Variants in DAB2 observed in about 807,000 individuals in gnomAD.
DAB2 encodes the protein disabled homolog 2.
DAB2 carries 28 observed loss-of-function variants against 71.6 expected under a neutral mutation model. That is an observed-to-expected ratio of 0.39 (90% CI 0.29 to 0.54). The LOEUF is 0.54. DAB2 is among the 20% of genes least tolerant of loss of function. The probability of loss-of-function intolerance (pLI) is 0.68; values close to 1 mark genes in which losing one functional copy is unlikely to be tolerated. For synonymous variants in DAB2, 345 were observed against 339.7 expected, an observed-to-expected ratio of 1.02 and a Z score of -0.17; for missense variants, 867 against 928.8, an observed-to-expected ratio of 0.93 and a Z score of 0.86.
chr5:39,392,320 C>T (rs753147705), intron 4 of DAB2, 45 bp downstream of exon 4: 9 of 1,454,182 alleles, frequency 6.2e-6, no homozygotes, highest in Admixed American at 1.7e-5. Flanking sequence ...AATTGTTGGT[C>T]AGACTCAGGT....
chr5:39,390,719 G>A (rs964218063), intron 4 of DAB2, 144 bp from the exon 5 acceptor site: 93 of 574,054 alleles, frequency 1.6e-4, no homozygotes, highest in Non-Finnish European at 2.3e-4. Flanking sequence ...TCTGGTTGAA[G>A]GCTAGAGCAT....
chr5:39,419,150 G>C (rs1755916077), intron 1 of DAB2, among the ~76,000 whole-genome samples: 3 of 152,198 alleles, frequency 2.0e-5, no homozygotes, highest in Admixed American at 2.0e-4. Flanking sequence ...AGGTAAGTGA[G>C]ACAACTAAGG....
intron 9 of DAB2, among the ~76,000 whole-genome samples, 166 bp from the exon 10 acceptor site, chr5:39,383,437 C>A (rs1405042900): frequency 6.6e-6 from 1 of 152,132 alleles, no homozygotes; most frequent in Non-Finnish European, 1.5e-5. Context: ...GTCCATTACT[C>A]CCTAGCTATA....
chr5:39,378,334 G>A (rs1754880289), intron 11 of DAB2, among the ~76,000 whole-genome samples: 1 of 152,178 alleles, frequency 6.6e-6, no homozygotes, highest in Non-Finnish European at 1.5e-5. Flanking sequence ...CGCTAAGAAG[G>A]AAACCTAAAT....
At chr5:39,382,088 T>A (rs949931302) in intron 10 of DAB2, among the ~76,000 whole-genome samples, 2 of 152,248 alleles carry the variant, frequency 1.3e-5, no homozygotes, top group African/African-American at 4.8e-5. Context: ...AACTGCATTT[T>A]AAATTGCTCT....
chr5:39,382,560 C>T, intron 10 of DAB2, 58 bp downstream of exon 10: 1 of 1,510,888 alleles, frequency 6.6e-7, no homozygotes, highest in African/African-American at 1.4e-5. Flanking sequence ...TTGCATCACA[C>T]CACCCTTTGG....
At chr5:39,391,751 T>C (rs986715663) in intron 4 of DAB2, among the ~76,000 whole-genome samples, 5 of 151,972 alleles carry the variant, frequency 3.3e-5, no homozygotes, top group Non-Finnish European at 7.4e-5. Context: ...GCAAAATAAG[T>C]AAGACTGTTC....
At chr5:39,416,731 T>A (rs1755854035) in intron 1 of DAB2, among the ~76,000 whole-genome samples, 1 of 152,154 alleles carries the variant, frequency 6.6e-6, no homozygotes, top group South Asian at 2.1e-4. Flanking sequence ...ACATTTGCCA[T>A]GACCTATCAT....
intron 1 of DAB2, among the ~76,000 whole-genome samples, chr5:39,409,797 A>T (rs1426344362): frequency 1.3e-5 from 2 of 152,160 alleles, no homozygotes; most frequent in African/African-American, 2.4e-5. Flanking sequence ...TCCAGAGAAG[A>T]CCTCAGGAAT....
intron 9 of DAB2, among the ~76,000 whole-genome samples, chr5:39,386,301 G>A (rs1465752556): frequency 6.6e-6 from 1 of 152,152 alleles, no homozygotes; most frequent in African/African-American, 2.4e-5. Context: ...AATTTGAGGG[G>A]AGTGACAACC....
intron 10 of DAB2, among the ~76,000 whole-genome samples, chr5:39,381,903 C>T (rs988106635): frequency 2.6e-5 from 4 of 152,152 alleles, no homozygotes; most frequent in African/African-American, 4.8e-5. Context: ...CTGGTCTCAT[C>T]GCTAAATGCT....
chr5:39,376,205 T>G, intron 12 of DAB2, 99 bp from the exon 13 acceptor site: 1 of 877,084 alleles, frequency 1.1e-6, no homozygotes, highest in Non-Finnish European at 1.8e-6. Context: ...TCTATACTTT[T>G]GAAATTTACA....
At chr5:39,380,441 C>T (rs1754952481) in intron 11 of DAB2, among the ~76,000 whole-genome samples, 1 of 152,116 alleles carries the variant, frequency 6.6e-6, no homozygotes, top group South Asian at 2.1e-4. Flanking sequence ...AGCCAGGATC[C>T]CTGGTCAGAT....
chr5:39,385,418 G>C (rs1236788195), intron 9 of DAB2: 1 of 152,130 alleles, frequency 6.6e-6, no homozygotes, highest in Non-Finnish European at 1.5e-5. Context: ...TTAGACTTCT[G>C]AATAGTCACC....
rs376649317 is a variant in DAB2 at position 39,394,362 on chromosome 5, T to C, written c.-42A>G. 13 of 1,452,994 alleles carry C rather than the reference T, an allele frequency of 8.9e-6. No individual in the cohort carries two copies. In the African/African-American group the frequency reaches 1.7e-4, roughly 19 times the overall value. The allele number at this position is 1,452,994 out of a possible 1,614,324, so 90.0% of individuals were successfully genotyped here. On this transcript the variant is annotated 5_prime_UTR_variant, in exon 2 of 15. Transcript: ENST00000320816. The stretch of plus-strand genomic sequence containing the variant: ...GCAAACCTCAGTACCAGTGGACACT[T>C]GGTGACACCAGGCGATCCCGATGGA...
chr5:39,390,040 C>T (rs911415649), intron 5 of DAB2, 108 bp from the exon 6 acceptor site: 44 of 768,766 alleles, frequency 5.7e-5, no homozygotes, highest in South Asian at 1.2e-4. Context: ...AATCTTAAAA[C>T]GCCTTACTAC....
intron 1 of DAB2, chr5:39,408,963 A>T (rs1755663969): frequency 6.6e-6 from 1 of 152,040 alleles, no homozygotes; most frequent in East Asian, 1.9e-4. Context: ...TGGATAAGAA[A>T]CCCCTGGGTA....
chr5:39,411,574 C>T (rs1755730172), intron 1 of DAB2, among the ~76,000 whole-genome samples: 2 of 152,148 alleles, frequency 1.3e-5, no homozygotes, highest in South Asian at 4.1e-4. Context: ...GTAACATGTG[C>T]TATTTTCTAG....
Position 39,388,308 on chromosome 5 carries a change from T to C in DAB2, c.684A>G (p.Pro228=). The C allele has an allele frequency of 6.2e-7, 1 of 1,608,536 alleles. No homozygotes were observed. Among genetic ancestry groups the C allele is most frequent in the Middle Eastern group, 1.7e-4 (1 of 6,038 alleles). ...DMSTPPDLNS[P]TESKDILLVD... is the part of the protein sequence containing the mutation. ...AAATTTAAAAACAAACACTTACTGT[T>C]GGACTATTTAGGTCAGGAGGTGTAG... Residue 228 remains proline, a synonymous_variant, in exon 9 of 15, where the codon CCA becomes CCG. Coordinates refer to ENST00000320816, the MANE Select transcript of DAB2 (RefSeq NM_001343.4).
Sources: gnomAD v4.1 joint callset for allele counts (sites outside exome capture counted in the v4.1 genomes callset) on GRCh38, gnomAD v4.1.1 for gene constraint, MANE v1.5 for transcripts, NCBI Gene and HGNC (gene_info 2026-07-23, HGNC 2026-07-21) for gene names.